The following PPP1CB variants were observed in gnomAD, a reference collection of about 807,000 sequenced individuals.
PPP1CB encodes the protein protein phosphatase 1 catalytic subunit beta.
In PPP1CB, 2 loss-of-function variants were observed where a neutral mutation model predicts 43.7. That is an observed-to-expected ratio of 0.05 (90% CI 0.02 to 0.14). The LOEUF (loss-of-function observed/expected upper bound fraction) is 0.14. PPP1CB is among the 10% of genes least tolerant of loss of function. PPP1CB has a pLI of 1.00. For missense variants in PPP1CB, 84 were observed against 398.0 expected (o/e 0.21, Z 6.71); for synonymous variants, 136 against 135.6 (o/e 1.00, Z -0.02).
Position 28,800,415 on chromosome 2 carries a change from C to CT in PPP1CB, c.*1113dup, listed in dbSNP as rs1667590588. ...CTATGGGTATTGGGTGCTTAACTGT[C>CT]TAATATTGCCATGTGAATGTTGTAT... is the stretch of plus-strand genomic sequence containing the variant. On this transcript the variant is annotated 3_prime_UTR_variant, in exon 8 of 8. Transcript: ENST00000395366. 6.6e-6 allele frequency: 1 copy of CT among 151,938 alleles called. No homozygotes were observed. Among genetic ancestry groups the CT allele is most frequent in the Admixed American group, 6.6e-5 (1 of 15,190 alleles). The allele number at this position is 151,938 out of a possible 1,614,324, so 9.4% of individuals were successfully genotyped here. A position where few individuals can be genotyped will look rare whatever the true frequency, so the allele number is the denominator to read the frequency against.
intron 6 of PPP1CB, among the ~76,000 whole-genome samples, chr2:28,792,308 C>T (rs776565442): frequency 6.6e-6 from 1 of 151,968 alleles, no homozygotes; most frequent in African/African-American, 2.4e-5. Context: ...CCGTTGCACT[C>T]CAGCCTGGGC....
At chr2:28,774,678 G>C (rs1252438532) in intron 1 of PPP1CB, among the ~76,000 whole-genome samples, 1 of 151,978 alleles carries the variant, frequency 6.6e-6, no homozygotes, top group Non-Finnish European at 1.5e-5. Context: ...CACCCACCTC[G>C]GCCTCCCAAA....
rs1667624780 is a variant in PPP1CB at position 28,801,831 on chromosome 2, C to T, written c.*2528C>T. The T allele has an allele frequency of 1.3e-5, 2 of 151,990 alleles. No homozygotes were observed. Among genetic ancestry groups the T allele is most frequent in the Admixed American group, 6.6e-5 (1 of 15,266 alleles). The allele number at this position is 151,990 out of a possible 1,614,324, so 9.4% of individuals were successfully genotyped here. A position where few individuals can be genotyped will look rare whatever the true frequency, so the allele number is the denominator to read the frequency against. Reference sequence around the variant, plus strand: ...ATGGATTATAAAGCAAAGTTATGGTCGATTTCTATTCTTGAAAGAATCAAC... The same window carrying T: ...ATGGATTATAAAGCAAAGTTATGGTTGATTTCTATTCTTGAAAGAATCAAC... On this transcript the variant is annotated 3_prime_UTR_variant, in exon 8 of 8. Coordinates refer to ENST00000395366, the MANE Select transcript of PPP1CB (RefSeq NM_002709.3).
intron 1 of PPP1CB, among the ~76,000 whole-genome samples, chr2:28,768,806 C>G (rs1666836529): frequency 1.3e-5 from 2 of 151,268 alleles, no homozygotes. Flanking sequence ...TGACCAAAAA[C>G]CAATAGAAAT....
At chr2:28,761,851 G>A (rs1472391592) in intron 1 of PPP1CB, among the ~76,000 whole-genome samples, 1 of 152,006 alleles carries the variant, frequency 6.6e-6, no homozygotes, top group African/African-American at 2.4e-5. Flanking sequence ...GGAACTATAG[G>A]GCAGTGTATC....
intron 4 of PPP1CB, chr2:28,782,562 G>A (rs1277856232): frequency 6.6e-6 from 1 of 152,310 alleles, no homozygotes; most frequent in East Asian, 1.9e-4. Context: ...GGTTTTAGAG[G>A]ATAAATAGGC....
intron 1 of PPP1CB, among the ~76,000 whole-genome samples, chr2:28,756,246 T>C (rs1046421232): frequency 6.6e-6 from 1 of 152,214 alleles, no homozygotes; most frequent in Non-Finnish European, 1.5e-5. Context: ...ACAATATGAG[T>C]TGTAGAATAT....
intron 4 of PPP1CB, 22 bp from the exon 5 acceptor site, chr2:28,783,885 T>C (rs778186284): frequency 6.4e-7 from 1 of 1,571,724 alleles, no homozygotes; most frequent in Non-Finnish European, 8.8e-7. Flanking sequence ...GTTAGTACTA[T>C]GTCTCATCTT....
chr2:28,780,589 G>T (rs1667138674), intron 3 of PPP1CB, among the ~76,000 whole-genome samples: 1 of 152,114 alleles, frequency 6.6e-6, no homozygotes, highest in Non-Finnish European at 1.5e-5. Flanking sequence ...AGATAGGCAA[G>T]AATGTCTTTG....
chr2:28,762,075 A>G (rs1038929234), intron 1 of PPP1CB, among the ~76,000 whole-genome samples: 2 of 152,202 alleles, frequency 1.3e-5, no homozygotes, highest in Non-Finnish European at 2.9e-5. Context: ...GCTTGAGGCC[A>G]GGAGTTCAAG....
In PPP1CB at chr2:28,788,922, A is replaced by G. The variant is rs149991148; in HGVS notation, c.744+113A>G. On this transcript the variant is annotated intron_variant, in intron 6 of 7. Coordinates refer to ENST00000395366, the MANE Select transcript of PPP1CB (RefSeq NM_002709.3). Reference sequence around the variant, plus strand: ...ACCCAGGCTGGAGTGCAATGGCGCAATCTCTGCTCACTGCAACCTGTGCCT... The same window carrying G: ...ACCCAGGCTGGAGTGCAATGGCGCAGTCTCTGCTCACTGCAACCTGTGCCT... 2.0e-4 allele frequency: 223 copies of G among 1,099,010 alleles called. 1 individual carries two copies. The Middle Eastern group carries it at 2.2e-3, about 11-fold the overall frequency. 68.1% of individuals were successfully genotyped at this position (1,099,010 alleles called of 1,614,324 possible).
At chr2:28,761,696 A>G (rs973693366) in intron 1 of PPP1CB, among the ~76,000 whole-genome samples, 1 of 152,242 alleles carries the variant, frequency 6.6e-6, no homozygotes, top group Non-Finnish European at 1.5e-5. Flanking sequence ...GTAAGTACGT[A>G]TAACAGTTTC....
At chr2:28,795,331 A>G (rs942165194) in intron 7 of PPP1CB, among the ~76,000 whole-genome samples, 3 of 152,116 alleles carry the variant, frequency 2.0e-5, no homozygotes, top group Non-Finnish European at 4.4e-5. Flanking sequence ...TTTTTTGTAC[A>G]TACCCAAAGT....
At chr2:28,781,176 C>T (rs1667151926) in intron 3 of PPP1CB, among the ~76,000 whole-genome samples, 2 of 152,190 alleles carry the variant, frequency 1.3e-5, no homozygotes, top group South Asian at 4.1e-4. Flanking sequence ...ACACCTAGCA[C>T]AATCTTTGGG....
At chr2:28,759,088 G>A (rs188931740) in intron 1 of PPP1CB, among the ~76,000 whole-genome samples, 1 of 152,358 alleles carries the variant, frequency 6.6e-6, no homozygotes, top group Admixed American at 6.5e-5. Flanking sequence ...AAGGTAGTTA[G>A]TGGTCCTGTA....
At chr2:28,766,442 C>G (rs1334163332) in intron 1 of PPP1CB, among the ~76,000 whole-genome samples, 1 of 152,206 alleles carries the variant, frequency 6.6e-6, no homozygotes, top group Non-Finnish European at 1.5e-5. Context: ...TTTTCTCAGA[C>G]TTTGTAAAAT....
intron 3 of PPP1CB, among the ~76,000 whole-genome samples, chr2:28,780,110 C>T (rs1266701298): frequency 5.8e-5 from 7 of 119,980 alleles, no homozygotes; most frequent in South Asian, 2.7e-4. Context: ...TTTTTTGAGA[C>T]GGAGTCTCGC....
chr2:28,779,073 A>G, intron 3 of PPP1CB, 34 bp downstream of exon 3: 1 of 1,439,692 alleles, frequency 6.9e-7, no homozygotes, highest in Middle Eastern at 1.8e-4. Context: ...AAAGTAATTC[A>G]TGGAAACATT....
chr2:28,768,229 G>A (rs1666825884), intron 1 of PPP1CB, among the ~76,000 whole-genome samples: 1 of 152,056 alleles, frequency 6.6e-6, no homozygotes, highest in Non-Finnish European at 1.5e-5. Flanking sequence ...TTTTTCCCTG[G>A]AGACATTTCC....
Sources: gnomAD v4.1 joint callset for allele counts (sites outside exome capture counted in the v4.1 genomes callset) on GRCh38, gnomAD v4.1.1 for gene constraint, MANE v1.5 for transcripts, NCBI Gene and HGNC (gene_info 2026-07-23, HGNC 2026-07-21) for gene names.